The following TRPM3 variants were observed in gnomAD, a reference collection of about 807,000 sequenced individuals.
The protein encoded by TRPM3 is transient receptor potential cation channel subfamily M member 3.
Under a neutral mutation model 181.2 loss-of-function variants are expected in TRPM3, and 77 were observed. The ratio of observed to expected loss-of-function variants is 0.42; its 90% CI spans 0.35 to 0.51. TRPM3 has a LOEUF of 0.51. Ranked by LOEUF, TRPM3 falls within the 20% of genes least tolerant of loss-of-function variation. The probability of loss-of-function intolerance (pLI) is 0.01; values close to 1 mark genes in which losing one functional copy is unlikely to be tolerated. For missense variants in TRPM3, 1,759 were observed against 2,196.7 expected (o/e 0.80, Z 3.98); for synonymous variants, 745 against 796.4 (o/e 0.94, Z 1.09).
intron 22 of TRPM3, among the ~76,000 whole-genome samples, chr9:70,570,606 T>C (rs2052045157): frequency 6.6e-6 from 1 of 152,172 alleles, no homozygotes; most frequent in Admixed American, 6.6e-5. Context: ...AGCCACGGCG[T>C]CCGGCCTTAG....
At chr9:70,605,849 T>C (rs2060979149) in intron 19 of TRPM3, among the ~76,000 whole-genome samples, 1 of 152,260 alleles carries the variant, frequency 6.6e-6, no homozygotes, top group Admixed American at 6.5e-5. Context: ...TTTGCCCAAA[T>C]GATTGCAAAA....
chr9:71,045,338 C>T (rs1242448987), intron 1 of TRPM3, among the ~76,000 whole-genome samples: 1 of 152,086 alleles, frequency 6.6e-6, no homozygotes, highest in Admixed American at 6.6e-5. Context: ...TATTATCTTT[C>T]CCTTATTTTC....
chr9:71,205,636 C>T (rs546759072), intron 1 of TRPM3, among the ~76,000 whole-genome samples: 2 of 152,172 alleles, frequency 1.3e-5, no homozygotes, highest in Non-Finnish European at 2.9e-5. Context: ...ACTAATCATA[C>T]ACTTTCCTAA....
intron 1 of TRPM3, among the ~76,000 whole-genome samples, chr9:71,262,832 C>G (rs1043189255): frequency 6.6e-6 from 1 of 152,128 alleles, no homozygotes; most frequent in Non-Finnish European, 1.5e-5. Flanking sequence ...TCAGCTCACT[C>G]TCTGTGGGCT....
chr9:71,373,780 A>G (rs2092594380), intron 1 of TRPM3, among the ~76,000 whole-genome samples: 1 of 152,200 alleles, frequency 6.6e-6, no homozygotes, highest in Non-Finnish European at 1.5e-5. Flanking sequence ...CAATCTATAA[A>G]GCCAGCATCA....
intron 1 of TRPM3, among the ~76,000 whole-genome samples, chr9:71,203,717 C>T (rs1377689302): frequency 6.6e-6 from 1 of 152,146 alleles, no homozygotes; most frequent in African/African-American, 2.4e-5. Context: ...TGATTTAATA[C>T]ACATGGTACT....
chr9:71,031,647 C>T (rs2057315762), intron 1 of TRPM3, among the ~76,000 whole-genome samples: 1 of 151,738 alleles, frequency 6.6e-6, no homozygotes, highest in South Asian at 2.1e-4. Flanking sequence ...TCCACTAAGA[C>T]CACAGAATTT....
intron 1 of TRPM3, among the ~76,000 whole-genome samples, chr9:71,066,835 C>T (rs1305515176): frequency 6.6e-6 from 1 of 152,156 alleles, no homozygotes; most frequent in African/African-American, 2.4e-5. Context: ...GCCCCTGTTC[C>T]CTCTTTTTAT....
At chr9:70,974,693 C>A (rs969778377) in intron 1 of TRPM3, among the ~76,000 whole-genome samples, 17 of 151,880 alleles carry the variant, frequency 1.1e-4, no homozygotes, top group Non-Finnish European at 1.8e-4. Context: ...CACACGACTG[C>A]ACTCCAGTCT....
chr9:71,335,796 A>ATC (rs1212922728), intron 1 of TRPM3, among the ~76,000 whole-genome samples: 1 of 11,898 alleles, frequency 8.4e-5, no homozygotes, highest in Non-Finnish European at 3.8e-4. Context: ...ATTAGAATCT[A>ATC]ACAAACAGTT....
At chr9:70,796,406 C>T (rs1188016527) in intron 6 of TRPM3, among the ~76,000 whole-genome samples, 2 of 152,184 alleles carry the variant, frequency 1.3e-5, no homozygotes, top group African/African-American at 2.4e-5. Flanking sequence ...TTTGTACCTA[C>T]TGAAAGAGAC....
intron 10 of TRPM3, 105 bp from the exon 11 acceptor site, chr9:70,639,299 TA>T: frequency 7.7e-7 from 1 of 1,301,164 alleles, no homozygotes; most frequent in Non-Finnish European, 1.1e-6. Flanking sequence ...TGACATCTGG[TA>T]AACCTTCAGC....
At chr9:70,663,297 C>G (rs959487868) in intron 9 of TRPM3, among the ~76,000 whole-genome samples, 1 of 152,084 alleles carries the variant, frequency 6.6e-6, no homozygotes, top group African/African-American at 2.4e-5. Flanking sequence ...GTGTATACTG[C>G]TCAGGTGACG....
Position 70,610,592 on chromosome 9 carries a change from A to G in TRPM3, c.2667+17T>C. On this transcript the variant is annotated intron_variant, in intron 19 of 25. Coordinates refer to ENST00000677713, the MANE Select transcript of TRPM3 (RefSeq NM_001366145.2). ...TTGTGGCCATCCACTAGGAAGGAGA[A>G]AAGGAAATGTGCTTACTGTGTAGAA... 6.2e-7 allele frequency: 1 copy of G among 1,609,368 alleles called. No homozygotes were observed. The highest frequency in any genetic ancestry group is 8.5e-7 in the Non-Finnish European group (1 of 1,176,686).
intron 5 of TRPM3, among the ~76,000 whole-genome samples, chr9:70,836,149 A>G (rs991777190): frequency 6.6e-6 from 1 of 151,802 alleles, no homozygotes; most frequent in Non-Finnish European, 1.5e-5. Flanking sequence ...CCACATGTGT[A>G]CTCTCTCCCA....
chr9:71,410,735 G>A (rs2131449100), intron 1 of TRPM3, among the ~76,000 whole-genome samples: 1 of 152,232 alleles, frequency 6.6e-6, no homozygotes, highest in Admixed American at 6.5e-5. Flanking sequence ...AGAAAAAGAG[G>A]GAATCCTCCC....
chr9:70,921,480 C>G lies in TRPM3; in HGVS notation c.178-56969G>C, dbSNP rs1279432269. 2.0e-5 allele frequency among the ~76,000 whole-genome samples: 3 copies of G among 152,224 alleles called. No individual in the cohort carries two copies. In the East Asian group the frequency reaches 5.8e-4, roughly 29 times the overall value. On this transcript the variant is annotated intron_variant, in intron 1 of 25. Transcript: ENST00000677713. ...GCATTAGCCAGGCCTTTCACTTCCA[C>G]AACCTTGAATAGTCCAGGAAACAGA...
intron 1 of TRPM3, among the ~76,000 whole-genome samples, chr9:71,404,319 C>T (rs999040017): frequency 3.3e-5 from 5 of 152,274 alleles, no homozygotes; most frequent in Non-Finnish European, 5.9e-5. Flanking sequence ...AATAGGTTTT[C>T]GTTAGGCAAT....
intron 1 of TRPM3, among the ~76,000 whole-genome samples, chr9:70,867,523 A>G (rs887226726): frequency 6.6e-6 from 1 of 152,100 alleles, no homozygotes; most frequent in Non-Finnish European, 1.5e-5. Context: ...TAGCAAAAAG[A>G]CTGAGAATCG....
Sources: gnomAD v4.1 joint callset for allele counts (sites outside exome capture counted in the v4.1 genomes callset) on GRCh38, gnomAD v4.1.1 for gene constraint, MANE v1.5 for transcripts, NCBI Gene and HGNC (gene_info 2026-07-23, HGNC 2026-07-21) for gene names.